LUZP2: variants seen among roughly 807,000 people sequenced by gnomAD.
LUZP2 encodes leucine zipper protein 2.
LUZP2 carries 52 observed loss-of-function variants against 51.6 expected under a neutral mutation model. The ratio of observed to expected loss-of-function variants is 1.01; its 90% CI spans 0.81 to 1.27. The LOEUF (loss-of-function observed/expected upper bound fraction) is 1.27, where lower values mean the gene tolerates loss of function less well. Ranked by LOEUF, LUZP2 falls within the 50% of genes most tolerant of loss-of-function variation. The pLI, the probability that LUZP2 is intolerant of heterozygous loss-of-function variation, is 0.00. For missense variants in LUZP2, 436 were observed against 395.4 expected, an observed-to-expected ratio of 1.10 and a Z score of -0.87; for synonymous variants, 154 against 137.3, an observed-to-expected ratio of 1.12 and a Z score of -0.85.
At chr11:24,585,295 T>G (rs968821132) in intron 1 of LUZP2, among the ~76,000 whole-genome samples, 18 of 152,172 alleles carry the variant, frequency 1.2e-4, no homozygotes, top group African/African-American at 4.1e-4. Flanking sequence ...AATGAAAAAG[T>G]TCTCAAGCAT....
chr11:24,989,942 C>T (rs866815836), intron 9 of LUZP2, among the ~76,000 whole-genome samples: 2 of 152,040 alleles, frequency 1.3e-5, no homozygotes, highest in African/African-American at 4.8e-5. Flanking sequence ...ATTTTTCCAT[C>T]AGTTCCTAAT....
intron 2 of LUZP2, among the ~76,000 whole-genome samples, chr11:24,730,953 C>A (rs1858690264): frequency 6.6e-6 from 1 of 151,716 alleles, no homozygotes; most frequent in African/African-American, 2.4e-5. Flanking sequence ...GACCATGATA[C>A]ACTTTGAACT....
chr11:24,648,364 TTACCCCTGTC>T (rs1855524304), intron 1 of LUZP2, among the ~76,000 whole-genome samples: 1 of 151,922 alleles, frequency 6.6e-6, no homozygotes, highest in Non-Finnish European at 1.5e-5. Flanking sequence ...AACCTATCTC[TTACCCCTGTC>T]TACTGTCTCT....
intron 1 of LUZP2, among the ~76,000 whole-genome samples, chr11:24,582,482 T>C (rs1456874761): frequency 6.6e-6 from 1 of 152,072 alleles, no homozygotes; most frequent in Non-Finnish European, 1.5e-5. Context: ...TTTTCAAAAA[T>C]GAATTAGACT....
chr11:24,518,520 T>C (rs1373392927), intron 1 of LUZP2, among the ~76,000 whole-genome samples: 1 of 152,248 alleles, frequency 6.6e-6, no homozygotes, highest in Admixed American at 6.5e-5. Flanking sequence ...AGAGAAACTG[T>C]TAAAAATTAT....
At chr11:24,869,439 A>G (rs531634827) in intron 5 of LUZP2, among the ~76,000 whole-genome samples, 1 of 150,780 alleles carries the variant, frequency 6.6e-6, no homozygotes, top group East Asian at 1.9e-4. Flanking sequence ...TATTATTTCA[A>G]ACTTTTCCAT....
intron 1 of LUZP2, among the ~76,000 whole-genome samples, chr11:24,515,918 T>C (rs926487075): frequency 6.6e-6 from 1 of 152,158 alleles, no homozygotes; most frequent in Non-Finnish European, 1.5e-5. Context: ...TGTCATGTTT[T>C]TTTTCTTTCT....
At chr11:24,992,858 A>T (rs559902328) in intron 9 of LUZP2, among the ~76,000 whole-genome samples, 6 of 152,272 alleles carry the variant, frequency 3.9e-5, no homozygotes, top group Non-Finnish European at 8.8e-5. Context: ...AAATTTAAGC[A>T]TATTTAATTT....
At chr11:25,009,835 A>G (rs1397372222) in intron 9 of LUZP2, among the ~76,000 whole-genome samples, 9 of 152,186 alleles carry the variant, frequency 5.9e-5, no homozygotes, top group African/African-American at 9.6e-5. Flanking sequence ...AAATTGGCCT[A>G]TTAACTCAGC....
At chr11:24,754,309 A>G (rs1468937847) in intron 4 of LUZP2, among the ~76,000 whole-genome samples, 3 of 147,430 alleles carry the variant, frequency 2.0e-5, no homozygotes, top group Middle Eastern at 3.2e-3. Context: ...TGTTTTCTTT[A>G]TTCATCTTAT....
At chr11:24,515,164 A>T (rs933860960) in intron 1 of LUZP2, among the ~76,000 whole-genome samples, 1 of 152,174 alleles carries the variant, frequency 6.6e-6, no homozygotes, top group Non-Finnish European at 1.5e-5. Context: ...TAGGAGTTAC[A>T]CAATCATCTA....
At chr11:24,954,746 C>T (rs982490157) in intron 7 of LUZP2, among the ~76,000 whole-genome samples, 4 of 151,960 alleles carry the variant, frequency 2.6e-5, no homozygotes, top group Non-Finnish European at 5.9e-5. Context: ...TACATCCACA[C>T]CATACCAATC....
intron 9 of LUZP2, among the ~76,000 whole-genome samples, chr11:24,995,337 G>A (rs888123050): frequency 6.6e-6 from 1 of 152,104 alleles, no homozygotes; most frequent in African/African-American, 2.4e-5. Context: ...AGATTGCAGT[G>A]AGCACAGATT....
chr11:24,882,412 A>G (rs1565048135), intron 5 of LUZP2, among the ~76,000 whole-genome samples: 1 of 152,026 alleles, frequency 6.6e-6, no homozygotes, highest in African/African-American at 2.4e-5. Flanking sequence ...AAAGAGGTAC[A>G]TGTATTACAA....
In LUZP2 at chr11:24,771,861, C is replaced by T. The variant is rs143720601; in HGVS notation, c.396+8553C>T. Among the ~76,000 whole-genome samples, 97 of 152,168 alleles carry T rather than the reference C, an allele frequency of 6.4e-4. No individual in the cohort carries two copies. In the East Asian group the frequency reaches 0.011, roughly 18 times the overall value. Reference sequence around the variant, plus strand: ...AAGCTCTTCTTGCCTGACCTGACACCGTGTAAGACATGACTTTGCTCCTCG... The same window carrying T: ...AAGCTCTTCTTGCCTGACCTGACACTGTGTAAGACATGACTTTGCTCCTCG... On this transcript the variant is annotated intron_variant, in intron 5 of 11. Transcript: ENST00000336930.
At position 24,568,271 on chromosome 11, in the gene LUZP2, A is replaced by G. The variant is rs76922497; in HGVS notation, c.62+70966A>G. 3.9e-3 allele frequency among the ~76,000 whole-genome samples: 595 copies of G among 151,620 alleles called. 25 individuals carry two copies. In the East Asian group the frequency reaches 0.086, roughly 22 times the overall value. On this transcript the variant is annotated intron_variant, in intron 1 of 11. Transcript: ENST00000336930. ...GCTACTCGAGAGGCTGAGACATGAG[A>G]ATTGCTTGAACCCAGGAGGCAAAGG...
chr11:24,511,677 T>TA (rs1308160635), intron 1 of LUZP2, among the ~76,000 whole-genome samples: 4 of 152,208 alleles, frequency 2.6e-5, no homozygotes, highest in African/African-American at 9.6e-5. Context: ...GCAAAGTTCA[T>TA]ATGTATTTTA....
chr11:24,926,395 G>GTATATATATACGTGTGTA lies in LUZP2; in HGVS notation c.522+11867_522+11868insCGTGTGTATATATATATA, dbSNP rs1854257260. ...TATACGTGTGTATATATATACGTGTGTATATATATATACGTGTGTATATAT... is the reference window on the plus strand; with the variant it reads ...TATACGTGTGTATATATATACGTGTGTATATATATACGTGTGTATATATATATATACGTGTGTATATAT... On this transcript the variant is annotated intron_variant, in intron 7 of 11. Coordinates refer to ENST00000336930, the MANE Select transcript of LUZP2 (RefSeq NM_001009909.4). Among the ~76,000 whole-genome samples the GTATATATATACGTGTGTA allele has an allele frequency of 2.7e-4, 19 of 70,050 alleles. 1 individual carries two copies. The South Asian group carries it at 0.011, about 40-fold the overall frequency. The allele number at this position is 70,050 out of a possible 152,430, so 46.0% of individuals were successfully genotyped here. A position where few individuals can be genotyped will look rare whatever the true frequency, so the allele number is the denominator to read the frequency against.
chr11:24,627,158 A>G (rs576622029), intron 1 of LUZP2, among the ~76,000 whole-genome samples: 3 of 152,344 alleles, frequency 2.0e-5, no homozygotes, highest in African/African-American at 7.2e-5. Context: ...ATGCTCCTAT[A>G]GTACAAAAAT....
Sources: allele counts gnomAD v4.1 joint callset (sites outside exome capture counted in the v4.1 genomes callset), GRCh38; gene constraint gnomAD v4.1.1; transcripts MANE v1.5; gene names NCBI Gene and HGNC (gene_info 2026-07-23, HGNC 2026-07-21).